Variants in COL23A1 observed in about 807,000 individuals in gnomAD.
COL23A1 encodes collagen type XXIII alpha 1 chain.
A neutral mutation model predicts 99.3 loss-of-function variants in COL23A1; 97 were observed. That is an observed-to-expected ratio of 0.98 (90% CI 0.83 to 1.16). The LOEUF (loss-of-function observed/expected upper bound fraction) is 1.16, where lower values mean the gene tolerates loss of function less well. COL23A1 is among the 50% of genes most tolerant of loss of function. COL23A1 has a pLI of 0.00. For synonymous variants in COL23A1, 320 were observed against 308.2 expected (o/e 1.04, Z -0.40); for missense variants, 762 against 757.4 (o/e 1.01, Z -0.07).
At chr5:178,560,962 G>A (rs74520916) in intron 1 of COL23A1, among the ~76,000 whole-genome samples, 84 of 152,322 alleles carry the variant, frequency 5.5e-4, no homozygotes, top group African/African-American at 1.9e-3. Flanking sequence ...TTACTGGTGA[G>A]TCCCTGAAAA....
At chr5:178,240,713 A>T (rs745803915) in intron 27 of COL23A1, among the ~76,000 whole-genome samples, 1 of 152,146 alleles carries the variant, frequency 6.6e-6, no homozygotes, top group African/African-American at 2.4e-5. Flanking sequence ...GGGGAGCGGT[A>T]TCCCCCACTG....
chr5:178,292,423 G>T (rs1757509644), intron 3 of COL23A1, among the ~76,000 whole-genome samples: 1 of 152,124 alleles, frequency 6.6e-6, no homozygotes, highest in Non-Finnish European at 1.5e-5. Context: ...TAATTCCTCG[G>T]CTGGCAAAGC....
At chr5:178,398,703 G>A (rs1764280526) in intron 2 of COL23A1, among the ~76,000 whole-genome samples, 3 of 152,114 alleles carry the variant, frequency 2.0e-5, no homozygotes, top group South Asian at 2.1e-4. Context: ...TACAATTTTC[G>A]GTTTCTATTT....
intron 2 of COL23A1, among the ~76,000 whole-genome samples, chr5:178,559,482 C>T (rs650566): frequency 3.3e-5 from 5 of 149,728 alleles, no homozygotes; most frequent in Admixed American, 6.6e-5. Context: ...GACACATCAC[C>T]CAAAAGCCAC....
At chr5:178,301,359 C>T (rs1228067169) in intron 3 of COL23A1, among the ~76,000 whole-genome samples, 3 of 152,206 alleles carry the variant, frequency 2.0e-5, no homozygotes, top group Non-Finnish European at 2.9e-5. Context: ...TTTCTTCAAA[C>T]ATGGTTTCCT....
At chr5:178,533,564 C>T (rs1204244068) in intron 2 of COL23A1, among the ~76,000 whole-genome samples, 1 of 152,170 alleles carries the variant, frequency 6.6e-6, no homozygotes, top group Non-Finnish European at 1.5e-5. Flanking sequence ...GTGGCGTGAT[C>T]TCGGCTCACT....
At chr5:178,355,186 C>A (rs75233874) in intron 2 of COL23A1, among the ~76,000 whole-genome samples, 2 of 151,988 alleles carry the variant, frequency 1.3e-5, no homozygotes, top group Non-Finnish European at 2.9e-5. Flanking sequence ...TGGTTATATG[C>A]AAATACTACA....
intron 2 of COL23A1, among the ~76,000 whole-genome samples, chr5:178,504,993 T>C (rs1758784203): frequency 6.6e-6 from 1 of 152,092 alleles, no homozygotes; most frequent in South Asian, 2.1e-4. Flanking sequence ...CTTCCTGGGG[T>C]GGCCATAACG....
At chr5:178,354,051 G>A (rs1295925603) in intron 2 of COL23A1, among the ~76,000 whole-genome samples, 1 of 152,120 alleles carries the variant, frequency 6.6e-6, no homozygotes, top group Non-Finnish European at 1.5e-5. Context: ...AGGCAGGGGT[G>A]ATTGGCACCC....
At position 178,366,192 on chromosome 5, in the gene COL23A1, G is replaced by A. The variant is rs895694312; in HGVS notation, c.362-59273C>T. 3.9e-5 allele frequency among the ~76,000 whole-genome samples: 6 copies of A among 152,138 alleles called. No homozygotes were observed. The highest frequency in any genetic ancestry group is 7.4e-5 in the Non-Finnish European group (5 of 68,020). Reference sequence around the variant, plus strand: ...GGGTCTGATTCACCTCTTCCTCCCCGGAGCCCAGGGTTCACTCTGCAACTC... The same window carrying A: ...GGGTCTGATTCACCTCTTCCTCCCCAGAGCCCAGGGTTCACTCTGCAACTC... On this transcript the variant is annotated intron_variant, in intron 2 of 28. Transcript: ENST00000390654. This position sits in a 1 kb window ranked among gnomAD's most constrained non-coding sequence, Gnocchi z 4.4.
chr5:178,425,885 C>G (rs2127806713), intron 2 of COL23A1, among the ~76,000 whole-genome samples: 1 of 152,356 alleles, frequency 6.6e-6, no homozygotes, highest in East Asian at 1.9e-4. Flanking sequence ...TCTGCTACTG[C>G]CTGCCCATGG....
chr5:178,380,393 T>TTGTGTGTGTGTGTG (rs112420315), intron 2 of COL23A1, among the ~76,000 whole-genome samples: 23 of 147,222 alleles, frequency 1.6e-4, no homozygotes, highest in African/African-American at 5.0e-4. Flanking sequence ...GAGCATGCAT[T>TTGTGTGTGTGTGTG]TGTGTGTGTG....
rs1372655803 is a variant in COL23A1 at position 178,311,742 on chromosome 5, T to G, written c.362-4823A>C. The stretch of plus-strand genomic sequence containing the variant: ...TTTTTTGTTTTGTTTTGTTTTGTTT[T>G]TTTTTTGAGACGGAGTCTCACTCTG... On this transcript the variant is annotated intron_variant, in intron 2 of 28. Coordinates refer to ENST00000390654, the MANE Select transcript of COL23A1 (RefSeq NM_173465.4). Among the ~76,000 whole-genome samples, 5 of 106,050 alleles carry G rather than the reference T, an allele frequency of 4.7e-5. No individual in the cohort carries two copies. In the South Asian group the frequency reaches 1.4e-3, roughly 31 times the overall value. 69.6% of individuals were successfully genotyped at this position (106,050 alleles called of 152,430 possible).
At chr5:178,294,902 G>T (rs2127591368) in intron 3 of COL23A1, among the ~76,000 whole-genome samples, 1 of 152,352 alleles carries the variant, frequency 6.6e-6, no homozygotes, top group South Asian at 2.1e-4. Context: ...AGCACTTTGG[G>T]AGGCCGAGGC....
intron 2 of COL23A1, among the ~76,000 whole-genome samples, chr5:178,409,114 A>G (rs1218918406): frequency 6.6e-6 from 1 of 152,126 alleles, no homozygotes; most frequent in Non-Finnish European, 1.5e-5. Flanking sequence ...GATGCTCATA[A>G]TATTTGTATT....
intron 2 of COL23A1, among the ~76,000 whole-genome samples, chr5:178,472,896 A>T (rs1756831470): frequency 6.6e-6 from 1 of 152,196 alleles, no homozygotes; most frequent in African/African-American, 2.4e-5. Context: ...AGGCTGAGGC[A>T]GAAGGGTTGC....
intron 21 of COL23A1, 45 bp downstream of exon 21, chr5:178,247,730 G>A (rs1334363499): frequency 6.2e-7 from 1 of 1,600,502 alleles, no homozygotes; most frequent in South Asian, 1.1e-5. Context: ...CCCGCCTCTT[G>A]GTTTCCTGGC....
chr5:178,267,236 C>T lies in COL23A1; in HGVS notation c.522+71G>A, dbSNP rs566348364. On this transcript the variant is annotated intron_variant, in intron 8 of 28. Transcript: ENST00000390654. The stretch of plus-strand genomic sequence containing the variant: ...GCGGGGAGCTGGGACCCAGAAGCAG[C>T]GCCAGTTATGCCTCATTATTACACA... 3.7e-5 allele frequency: 56 copies of T among 1,524,518 alleles called. 1 individual carries two copies. The highest frequency in any genetic ancestry group is 1.8e-4 in the Middle Eastern group (1 of 5,636). The allele number at this position is 1,524,518 out of a possible 1,614,324, so 94.4% of individuals were successfully genotyped here.
intron 1 of COL23A1, among the ~76,000 whole-genome samples, chr5:178,581,311 A>T (rs1763647335): frequency 6.6e-6 from 1 of 152,208 alleles, no homozygotes; most frequent in South Asian, 2.1e-4. Flanking sequence ...CATGCCTGTA[A>T]TCCCAGCACT....
Sources: allele counts gnomAD v4.1 joint callset (sites outside exome capture counted in the v4.1 genomes callset), GRCh38; gene constraint gnomAD v4.1.1; non-coding constraint Gnocchi (gnomAD v3.1); transcripts MANE v1.5; gene names NCBI Gene and HGNC (gene_info 2026-07-23, HGNC 2026-07-21).